The following NUP188 variants were observed in gnomAD, a reference collection of about 807,000 sequenced individuals.
NUP188 encodes nucleoporin 188.
NUP188 carries 97 observed loss-of-function variants against 223.0 expected under a neutral mutation model. The observed-to-expected ratio is 0.43, with a 90% CI of 0.37 to 0.51. The LOEUF (loss-of-function observed/expected upper bound fraction) is 0.51, where lower values mean the gene tolerates loss of function less well. NUP188 is among the 20% of genes least tolerant of loss of function. NUP188 has a pLI of 0.00. For missense variants in NUP188, 1,947 were observed against 2,175.6 expected, an observed-to-expected ratio of 0.89 and a Z score of 2.09; for synonymous variants, 869 against 828.0, an observed-to-expected ratio of 1.05 and a Z score of -0.85.
At chr9:128,990,362 G>A (rs1842399095) in intron 25 of NUP188, 136 bp downstream of exon 25, 1 of 728,922 alleles carries the variant, frequency 1.4e-6, no homozygotes, top group Non-Finnish European at 2.5e-6. Flanking sequence ...GGCCAAGGTG[G>A]GAGGATCATT....
intron 8 of NUP188, among the ~76,000 whole-genome samples, chr9:128,961,594 A>C (rs111368418): frequency 1.1e-3 from 158 of 138,778 alleles, no homozygotes; most frequent in Non-Finnish European, 1.8e-3. Context: ...ATCTATCTAG[A>C]TAGATAGATA....
At chr9:128,990,853 A>G (rs1227570277) in intron 25 of NUP188, among the ~76,000 whole-genome samples, 1 of 152,130 alleles carries the variant, frequency 6.6e-6, no homozygotes, top group Non-Finnish European at 1.5e-5. Context: ...TGACAGAGCA[A>G]GACTCCATCT....
In NUP188 at chr9:128,947,769, T is replaced by A. The variant is rs890437675; in HGVS notation, c.32+18T>A. On this transcript the variant is annotated intron_variant, in intron 1 of 43. Transcript: ENST00000372577. ...TGTGTGAGGTGCGGAGCGGGTCGAA[T>A]GGACCGGGGTGGCTGTGAAGCGCGG... is the stretch of plus-strand genomic sequence containing the variant. 71 of 1,415,136 alleles carry A rather than the reference T, an allele frequency of 5.0e-5. 1 individual carries two copies. Among genetic ancestry groups the A allele is most frequent in the Non-Finnish European group, 6.4e-5 (70 of 1,085,460 alleles). 87.7% of individuals were successfully genotyped at this position (1,415,136 alleles called of 1,614,324 possible). A position where few individuals can be genotyped will look rare whatever the true frequency, so the allele number is the denominator to read the frequency against.
In NUP188 at chr9:128,987,594, C is replaced by T. The variant is rs1564561571; in HGVS notation, c.2270C>T (p.Thr757Ile). 6.2e-7 allele frequency: 1 copy of T among 1,612,050 alleles called. No homozygotes were observed. Among genetic ancestry groups the T allele is most frequent in the Non-Finnish European group, 8.5e-7 (1 of 1,179,052 alleles). The change falls in exon 23 of 44, where the codon ACT (threonine) becomes ATT (isoleucine). Residue 757 changes from threonine (T) to isoleucine (I), a missense_variant. This residue lies in a region of NUP188 where 225 missense variants were observed against 319.1 expected (regional missense o/e 0.71). Transcript: ENST00000372577. ...CHETDLHSSH[T>I]PSLQFLCICS... ...AGAATACCTCTGTCTTCCAGTCATA[C>T]TCCCAGCCTGCAGTTTCTCTGCATC... is the stretch of plus-strand genomic sequence containing the variant.
intron 8 of NUP188, among the ~76,000 whole-genome samples, chr9:128,964,061 G>T (rs561518804): frequency 1.1e-3 from 163 of 152,034 alleles, no homozygotes; most frequent in African/African-American, 2.9e-3. Context: ...TGATCCACCC[G>T]CCTAGGCCTC....
At chr9:128,978,182 G>A (rs552710907) in intron 12 of NUP188, among the ~76,000 whole-genome samples, 1 of 152,208 alleles carries the variant, frequency 6.6e-6, no homozygotes, top group South Asian at 2.1e-4. Flanking sequence ...GCTGCAGTGA[G>A]CTATGATGGT....
At chr9:128,968,039 T>C (rs1444504972) in intron 8 of NUP188, among the ~76,000 whole-genome samples, 1 of 152,160 alleles carries the variant, frequency 6.6e-6, no homozygotes. Flanking sequence ...GGAGGATCGA[T>C]TGAGGCTAGG....
chr9:128,968,206 C>T (rs1842057859), intron 8 of NUP188, among the ~76,000 whole-genome samples: 1 of 151,504 alleles, frequency 6.6e-6, no homozygotes. Context: ...AATTGTACTG[C>T]TGCACTCCAG....
Position 129,006,974 on chromosome 9 carries a change from G to A in NUP188, c.*296G>A, listed in dbSNP as rs1842825798. The A allele has an allele frequency of 3.0e-6, 1 of 328,402 alleles. No individual in the cohort carries two copies. Among genetic ancestry groups the A allele is most frequent in the Non-Finnish European group, 5.6e-6 (1 of 179,670 alleles). 20.3% of individuals were successfully genotyped at this position (328,402 alleles called of 1,614,324 possible). A position where few individuals can be genotyped will look rare whatever the true frequency, so the allele number is the denominator to read the frequency against. ...CCCCACAGCACTGCCGGCCAGGGGAGAGGCGGCAGCCCAGCAGAGGGCTCT... is the reference window on the plus strand; with the variant it reads ...CCCCACAGCACTGCCGGCCAGGGGAAAGGCGGCAGCCCAGCAGAGGGCTCT... On this transcript the variant is annotated 3_prime_UTR_variant, in exon 44 of 44. Transcript: ENST00000372577.
Position 128,947,837 on chromosome 9 carries a change from T to C in NUP188, c.32+86T>C, listed in dbSNP as rs927087103. The C allele has an allele frequency of 4.7e-6, 6 of 1,272,456 alleles. No homozygotes were observed. The African/African-American group carries it at 7.8e-5, about 17-fold the overall frequency. 78.8% of individuals were successfully genotyped at this position (1,272,456 alleles called of 1,614,324 possible). On this transcript the variant is annotated intron_variant, in intron 1 of 43. Transcript: ENST00000372577. ...AGCGGGGCGGGAATTGGAGGCGGGA[T>C]GTGGCGACAGTGGCAGGGCCAACCC...
intron 11 of NUP188, among the ~76,000 whole-genome samples, chr9:128,971,658 T>C (rs1255348834): frequency 6.6e-6 from 1 of 152,188 alleles, no homozygotes; most frequent in Non-Finnish European, 1.5e-5. Flanking sequence ...GACCTCGTGA[T>C]CCACCCGCCT....
At chr9:128,968,390 C>A (rs1290417327) in intron 8 of NUP188, 116 bp from the exon 9 acceptor site, 11 of 739,412 alleles carry the variant, frequency 1.5e-5, no homozygotes, top group Non-Finnish European at 2.2e-5. Flanking sequence ...CCATAATCTG[C>A]CACTGCACTG....
chr9:128,974,561 T>C (rs1842146398), intron 12 of NUP188, among the ~76,000 whole-genome samples: 1 of 151,972 alleles, frequency 6.6e-6, no homozygotes, highest in Admixed American at 6.6e-5. Flanking sequence ...TTCAAACTTA[T>C]ACCAGAGAAG....
Position 128,979,300 on chromosome 9 carries a change from T to G in NUP188, c.1242T>G (p.Pro414=). The change falls in exon 13 of 44, where the codon CCT becomes CCG. Residue 414 remains proline, a synonymous_variant. Transcript: ENST00000372577. ...IDTACEVLAD[P]SLPELFWGTE... ...CAGCATGTGAAGTATTGGCCGACCC[T>G]TCTCTTCCGGAACTGTTCTGGGGAA... 1 of 1,612,328 alleles carries G rather than the reference T, an allele frequency of 6.2e-7. No individual in the cohort carries two copies. The highest frequency in any genetic ancestry group is 2.2e-5 in the East Asian group (1 of 44,800).
rs1279491961 is a variant in NUP188, at chr9:128,970,923, C to T, written c.1078C>T (p.Arg360Ter). The T allele has an allele frequency of 6.2e-7, 1 of 1,613,946 alleles. No homozygotes were observed. The highest frequency in any genetic ancestry group is 1.3e-5 in the African/African-American group (1 of 74,972). The change falls in exon 11 of 44, where the codon CGA becomes TGA. Residue 360 changes from arginine to a stop codon, truncating the protein, a stop_gained. Transcript: ENST00000372577. LOFTEE classifies it high-confidence loss of function. ...IQLNVFQYLT[R>*]LLQSLASGGN... Reference sequence around the variant, plus strand: ...GCTGAATGTGTTTCAGTACTTGACCCGATTGCTCCAGTCCCTTGCCAGTGG... The same window carrying T: ...GCTGAATGTGTTTCAGTACTTGACCTGATTGCTCCAGTCCCTTGCCAGTGG...
intron 33 of NUP188, 78 bp from the exon 34 acceptor site, chr9:128,999,546 T>G: frequency 6.8e-7 from 1 of 1,467,022 alleles, no homozygotes; most frequent in South Asian, 1.2e-5. Context: ...TCCAGCCCCT[T>G]CCTAGGAAGG....
intron 20 of NUP188, among the ~76,000 whole-genome samples, chr9:128,986,082 G>C (rs1333696292): frequency 6.6e-6 from 1 of 152,048 alleles, no homozygotes; most frequent in Non-Finnish European, 1.5e-5. Flanking sequence ...GGAATATATA[G>C]ATATTTATAT....
Position 129,005,547 on chromosome 9 carries a change from G to A in NUP188, c.4737+17G>A. 1.2e-6 allele frequency: 2 copies of A among 1,609,832 alleles called. No individual in the cohort carries two copies. The highest frequency in any genetic ancestry group is 1.7e-6 in the Non-Finnish European group (2 of 1,179,674). On this transcript the variant is annotated intron_variant, in intron 40 of 43. Transcript: ENST00000372577. ...CTGGATCAGGTACTGCCCATCATCT[G>A]TTCAGCACCACCTCCCCTAAAGGCT...
chr9:128,956,122 T>G (rs942226940), intron 3 of NUP188, among the ~76,000 whole-genome samples: 1 of 151,930 alleles, frequency 6.6e-6, no homozygotes, highest in African/African-American at 2.4e-5. Flanking sequence ...ACCACTTTTT[T>G]TTTGTTTTGT....
Sources: gnomAD v4.1 joint callset for allele counts (sites outside exome capture counted in the v4.1 genomes callset) on GRCh38, gnomAD v4.1.1 for gene constraint, gnomAD v4.1.1 regional missense constraint, MANE v1.5 for transcripts, NCBI Gene and HGNC (gene_info 2026-07-23, HGNC 2026-07-21) for gene names.